TRPM5: variants seen among roughly 807,000 people sequenced by gnomAD.
The protein encoded by TRPM5 is transient receptor potential cation channel subfamily M member 5.
Under a neutral mutation model 124.9 loss-of-function variants are expected in TRPM5, and 121 were observed. The ratio of observed to expected loss-of-function variants is 0.97; its 90% CI spans 0.84 to 1.13. The LOEUF is 1.13. Ranked by LOEUF, TRPM5 falls within the 50% of genes most tolerant of loss-of-function variation. The pLI is 0.00. For synonymous variants in TRPM5, 781 were observed against 700.5 expected (o/e 1.11, Z -1.81); for missense variants, 1,643 against 1,589.1 (o/e 1.03, Z -0.58).
At chr11:2,409,679 G>T (rs1850403427) in intron 18 of TRPM5, among the ~76,000 whole-genome samples, 1 of 152,190 alleles carries the variant, frequency 6.6e-6, no homozygotes, top group African/African-American at 2.4e-5. Flanking sequence ...AGTGGCTGGG[G>T]TTCAACCTGA....
At position 2,404,842 on chromosome 11, in the gene TRPM5, T is replaced by G. The variant is rs941300606; in HGVS notation, c.*95A>C. 13 of 1,062,098 alleles carry G rather than the reference T, an allele frequency of 1.2e-5. No homozygotes were observed. In the Admixed American group the frequency reaches 2.5e-4, roughly 20 times the overall value. The allele number at this position is 1,062,098 out of a possible 1,614,324, so 65.8% of individuals were successfully genotyped here. A position where few individuals can be genotyped will look rare whatever the true frequency, so the allele number is the denominator to read the frequency against. ...TGTCTGCTGGGGGGCTGGTGCCCCCTGGGGGGTTCCGCTGGAGGTCGGCAA... is the reference window on the plus strand; with the variant it reads ...TGTCTGCTGGGGGGCTGGTGCCCCCGGGGGGGTTCCGCTGGAGGTCGGCAA... On this transcript the variant is annotated 3_prime_UTR_variant, in exon 24 of 24. Coordinates refer to ENST00000155858, the Ensembl canonical transcript of TRPM5.
upstream of TRPM5, among the ~76,000 whole-genome samples, chr11:2,424,849 G>A (rs373391731): frequency 6.5e-4 from 99 of 152,338 alleles, no homozygotes; most frequent in African/African-American, 2.3e-3. Context: ...GTCAACCCCG[G>A]CACGACTTCT....
Position 2,406,812 on chromosome 11 carries a change from A to G in TRPM5, c.3119-19T>C. On this transcript the variant is annotated intron_variant, in intron 20 of 23. Coordinates refer to ENST00000155858, the Ensembl canonical transcript of TRPM5. ...TCTCTCTCTGGGAAAGCCAGGTGGCAGCCAGCATTACTAGAGCATGTGGGC... is the reference window on the plus strand; with the variant it reads ...TCTCTCTCTGGGAAAGCCAGGTGGCGGCCAGCATTACTAGAGCATGTGGGC... 6.2e-7 allele frequency: 1 copy of G among 1,605,942 alleles called. No individual in the cohort carries two copies. The highest frequency in any genetic ancestry group is 8.5e-7 in the Non-Finnish European group (1 of 1,176,256).
the TRPM5 span, among the ~76,000 whole-genome samples, chr11:2,443,548 A>G: frequency 6.6e-6 from 1 of 152,158 alleles, no homozygotes; most frequent in Admixed American, 6.5e-5. The surrounding 1 kb of genome is among the most constrained non-coding windows in gnomAD (Gnocchi z 5.0). Context: ...GCAAATACAG[A>G]CTGTGCACTC....
chr11:2,412,530 C>T (rs1303445115), intron 15 of TRPM5, among the ~76,000 whole-genome samples: 1 of 152,246 alleles, frequency 6.6e-6, no homozygotes, highest in African/African-American at 2.4e-5. Context: ...GGTCAGGGTT[C>T]AGACTCTGAC....
chr11:2,434,447 G>A, the TRPM5 span, among the ~76,000 whole-genome samples: 17 of 151,346 alleles, frequency 1.1e-4, no homozygotes, highest in Admixed American at 2.6e-4. Flanking sequence ...GTCCGGCTGT[G>A]TGTGTGTGTG....
chr11:2,430,699 C>T, the TRPM5 span, among the ~76,000 whole-genome samples: 20 of 88,022 alleles, frequency 2.3e-4, no homozygotes, highest in South Asian at 8.4e-4. Flanking sequence ...GTGATGGAGG[C>T]GGTGTTGGTG....
intron 21 of TRPM5, 26 bp downstream of exon 26, chr11:2,406,635 C>CCTGTA (rs761863535): frequency 6.3e-7 from 1 of 1,582,816 alleles, no homozygotes; most frequent in East Asian, 2.2e-5. Context: ...CCGATACCCA[C>CCTGTA]CAGTGATCAG....
the TRPM5 span, among the ~76,000 whole-genome samples, chr11:2,436,360 T>C: frequency 6.6e-6 from 1 of 152,234 alleles, no homozygotes. Flanking sequence ...ATGAGTGCCC[T>C]GGTCAGTAGT....
chr11:2,420,529 G>C (rs747623324), intron 3 of TRPM5, 124 bp from the exon 9 acceptor site: 42 of 999,404 alleles, frequency 4.2e-5, no homozygotes, highest in Non-Finnish European at 6.0e-5. Flanking sequence ...GCTTCTGCCC[G>C]AGCCTTGGTT....
At chr11:2,411,309 T>C (rs1850446193) in intron 18 of TRPM5, 43 bp downstream of exon 23, 2 of 1,503,734 alleles carry the variant, frequency 1.3e-6, no homozygotes, top group Non-Finnish European at 8.9e-7. Flanking sequence ...CACACAGGGC[T>C]CCAATTTCTC....
At chr11:2,411,296 G>A in intron 18 of TRPM5, 56 bp downstream of exon 23, 2 of 1,482,020 alleles carry the variant, frequency 1.3e-6, no homozygotes, top group Non-Finnish European at 1.8e-6. Flanking sequence ...CCCAGGGCTT[G>A]TGCACACAGG....
chr11:2,410,360 G>C (rs1850420673), intron 18 of TRPM5, among the ~76,000 whole-genome samples: 1 of 152,196 alleles, frequency 6.6e-6, no homozygotes, highest in East Asian at 1.9e-4. Context: ...GTCGGGGTCA[G>C]GCCTGGGCAG....
At position 2,413,922 on chromosome 11, in the gene TRPM5, G is replaced by A. The variant is rs546002227; in HGVS notation, c.1890+139C>T. 4.1e-5 allele frequency: 51 copies of A among 1,253,480 alleles called. 2 individuals carry two copies. In the South Asian group the frequency reaches 7.0e-4, roughly 17 times the overall value. 77.6% of individuals were successfully genotyped at this position (1,253,480 alleles called of 1,614,324 possible). A position where few individuals can be genotyped will look rare whatever the true frequency, so the allele number is the denominator to read the frequency against. ...GCCAGGTGGGCGCCTTCCAGGAACAGAAGCCCCACCCCGCCCCCTCTGTGC... is the reference window on the plus strand; with the variant it reads ...GCCAGGTGGGCGCCTTCCAGGAACAAAAGCCCCACCCCGCCCCCTCTGTGC... On this transcript the variant is annotated intron_variant, in intron 12 of 23. Transcript: ENST00000155858.
upstream of TRPM5, chr11:2,423,178 T>A: frequency 3.0e-6 from 2 of 672,250 alleles, no homozygotes; most frequent in Non-Finnish European, 5.1e-6. Flanking sequence ...ACCTGGGGAC[T>A]GCCCCCAGGC....
intron 1 of TRPM5, among the ~76,000 whole-genome samples, chr11:2,422,525 A>C (rs915559617): frequency 1.1e-4 from 16 of 151,930 alleles, no homozygotes; most frequent in Middle Eastern, 3.4e-3. Context: ...TAGCAGGAGG[A>C]GAGTGGCCCC....
chr11:2,418,545 A>G, exon 5 of TRPM5: 1 of 1,611,626 alleles, frequency 6.2e-7, no homozygotes, highest in South Asian at 1.1e-5. Context: ...TGTTGGGATC[A>G]CCATTGACCA....
At chr11:2,407,235 A>G (rs1288000700) in exon 20 of TRPM5, 1 of 1,612,086 alleles carries the variant, frequency 6.2e-7, no homozygotes, top group African/African-American at 1.3e-5. Flanking sequence ...GTACTCCACA[A>G]TCAGGTTGTA....
exon 9 of TRPM5, chr11:2,415,226 T>C (rs2133520575): frequency 6.3e-7 from 1 of 1,575,466 alleles, no homozygotes; most frequent in East Asian, 2.3e-5. Flanking sequence ...AGAAGGCCGG[T>C]GGCCCCGCGG....
Sources: allele counts gnomAD v4.1 joint callset (sites outside exome capture counted in the v4.1 genomes callset), GRCh38; gene constraint gnomAD v4.1.1; non-coding constraint Gnocchi (gnomAD v3.1); transcripts MANE v1.5; gene names NCBI Gene and HGNC (gene_info 2026-07-23, HGNC 2026-07-21).